The following FRYL variants were observed in gnomAD, a reference collection of about 807,000 sequenced individuals.
FRYL encodes the protein protein furry homolog-like.
In FRYL, 150 loss-of-function variants were observed where a neutral mutation model predicts 351.2. The observed-to-expected ratio is 0.43, with a 90% CI of 0.37 to 0.49. FRYL has a LOEUF of 0.49. Ranked by LOEUF, FRYL falls within the 20% of genes least tolerant of loss-of-function variation. The pLI, the probability that FRYL is intolerant of heterozygous loss-of-function variation, is 0.00. For missense variants in FRYL, 3,036 were observed against 3,619.3 expected, an observed-to-expected ratio of 0.84 and a Z score of 4.13; for synonymous variants, 1,153 against 1,257.1, an observed-to-expected ratio of 0.92 and a Z score of 1.75.
chr4:48,499,712 G>C, intron 63 of FRYL, 32 bp from the exon 64 acceptor site: 1 of 1,603,426 alleles, frequency 6.2e-7, no homozygotes, highest in Non-Finnish European at 8.5e-7. Flanking sequence ...TCAGTTCTGA[G>C]ACTTAGGCAA....
intron 1 of FRYL, among the ~76,000 whole-genome samples, chr4:48,724,921 T>C (rs1769916745): frequency 6.6e-6 from 1 of 152,228 alleles, no homozygotes; most frequent in Admixed American, 6.5e-5. Flanking sequence ...AAATAACAAA[T>C]TTGAAACTGT....
At chr4:48,659,293 G>T (rs1246692345) in intron 3 of FRYL, among the ~76,000 whole-genome samples, 1 of 151,152 alleles carries the variant, frequency 6.6e-6, no homozygotes, top group Non-Finnish European at 1.5e-5. Context: ...GGAGGTTGCA[G>T]GGAGCCAAGA....
chr4:48,540,771 T>C lies in FRYL; in HGVS notation c.5877A>G (p.Thr1959=), dbSNP rs182382658. The change falls in exon 46 of 64, where the codon ACA becomes ACG. Residue 1959 remains threonine (T), a synonymous_variant. Coordinates refer to ENST00000358350, the MANE Select transcript of FRYL (RefSeq NM_015030.2). ...DRRGDRRRSN[T]LDIMDGRINH... ...TTATCCGTCCATCCATTATATCCAGTGTGTTACTCCGCCGCCGGTCACCTC... is the reference window on the plus strand; with the variant it reads ...TTATCCGTCCATCCATTATATCCAGCGTGTTACTCCGCCGCCGGTCACCTC... 5.0e-6 allele frequency: 8 copies of C among 1,613,850 alleles called. No homozygotes were observed. The highest frequency in any genetic ancestry group is 3.3e-5 in the South Asian group (3 of 91,062).
intron 12 of FRYL, among the ~76,000 whole-genome samples, chr4:48,602,329 C>T (rs1472010017): frequency 6.6e-6 from 1 of 152,124 alleles, no homozygotes; most frequent in Non-Finnish European, 1.5e-5. Context: ...CTTGACTGAT[C>T]ATACCTCTCT....
In FRYL at chr4:48,540,411, G is replaced by C; in HGVS notation, c.6237C>G (p.Leu2079=). Residue 2079 remains leucine, a synonymous_variant, in exon 46 of 64, where the codon CTC becomes CTG. Coordinates refer to ENST00000358350, the MANE Select transcript of FRYL (RefSeq NM_015030.2). The part of the protein sequence containing the change: ...SASTQEMTVH[L]LSKLISVSKH... ...TGGAGACAGAAATGAGTTTACTGAG[G>C]AGGTGCACGGTCATTTCTTGTGTAG... 1.2e-6 allele frequency: 2 copies of C among 1,613,838 alleles called. No individual in the cohort carries two copies. Among genetic ancestry groups the C allele is most frequent in the Non-Finnish European group, 1.7e-6 (2 of 1,179,760 alleles).
intron 1 of FRYL, among the ~76,000 whole-genome samples, chr4:48,777,881 G>A (rs1371987521): frequency 1.3e-5 from 2 of 152,122 alleles, no homozygotes; most frequent in African/African-American, 4.8e-5. Context: ...AACAATGCCA[G>A]ATACCATCAA....
At chr4:48,621,579 T>C (rs187505110) in intron 5 of FRYL, among the ~76,000 whole-genome samples, 65 of 152,308 alleles carry the variant, frequency 4.3e-4, no homozygotes, top group African/African-American at 1.4e-3. Context: ...TCTCATAAAA[T>C]TAATATTCTG....
At chr4:48,715,207 T>G (rs1463109536) in intron 1 of FRYL, among the ~76,000 whole-genome samples, 3 of 151,530 alleles carry the variant, frequency 2.0e-5, no homozygotes, top group South Asian at 2.1e-4. Context: ...CTTTGAAAAC[T>G]GGCACAAGAC....
At chr4:48,552,387 T>C (rs1162564227) in intron 36 of FRYL, among the ~76,000 whole-genome samples, 1 of 152,086 alleles carries the variant, frequency 6.6e-6, no homozygotes, top group Non-Finnish European at 1.5e-5. Context: ...ACTGAAATCA[T>C]GGTACGACAA....
rs1560695889 is a variant in FRYL at position 48,603,321 on chromosome 4, A to G, written c.902T>C (p.Phe301Ser). 6.2e-7 allele frequency: 1 copy of G among 1,612,198 alleles called. No individual in the cohort carries two copies. The highest frequency in any genetic ancestry group is 8.5e-7 in the Non-Finnish European group (1 of 1,178,950). ...ATGCTTCTTTCTCGAGCTCAGTTCA[A>G]AAGTAGTCTGATAAAGCATCTCCAC... Reference protein sequence around the residue: ...NFVEMLYQTTFELSSRKKHSL... With the variant: ...NFVEMLYQTTSELSSRKKHSL... Residue 301 changes from phenylalanine to serine, a missense_variant, in exon 12 of 64, where the codon TTT (phenylalanine) becomes TCT (serine). Physicochemically the swap from Phe to Ser is radical, Grantham distance 155. Coordinates refer to ENST00000358350, the MANE Select transcript of FRYL (RefSeq NM_015030.2).
chr4:48,688,601 T>G (rs540914976), intron 2 of FRYL, among the ~76,000 whole-genome samples: 3 of 151,888 alleles, frequency 2.0e-5, no homozygotes, highest in Admixed American at 2.0e-4. Flanking sequence ...TCTTGACAAA[T>G]GCTATAATTT....
intron 16 of FRYL, among the ~76,000 whole-genome samples, chr4:48,592,082 T>TATATATATATATA (rs888017807): frequency 1.0e-3 from 122 of 116,190 alleles, no homozygotes; most frequent in African/African-American, 4.7e-3. Context: ...AATAAAGCTC[T>TATATATATATATA]TATATATATA....
intron 1 of FRYL, among the ~76,000 whole-genome samples, chr4:48,767,291 A>G (rs1775062053): frequency 6.6e-6 from 1 of 152,104 alleles, no homozygotes; most frequent in East Asian, 1.9e-4. Context: ...TCAAAGGACA[A>G]CAGCCAGATC....
intron 57 of FRYL, 27 bp from the exon 58 acceptor site, chr4:48,511,011 T>A: frequency 6.3e-7 from 1 of 1,575,884 alleles, no homozygotes; most frequent in South Asian, 1.2e-5. Context: ...AAGAAAGAGT[T>A]TAGTGTTTCA....
In FRYL at chr4:48,546,142, G is replaced by A; in HGVS notation, c.5204C>T (p.Thr1735Ile). ...TGAGATGTCAACCTCATTGAGGATAGTGGTGTGCAGATGTGAAATGGCAGC... is the reference window on the plus strand; with the variant it reads ...TGAGATGTCAACCTCATTGAGGATAATGGTGTGCAGATGTGAAATGGCAGC... ...NSAAISHLHTTILNEVDISVE... is the reference protein window; with the variant it reads ...NSAAISHLHTIILNEVDISVE... Residue 1735 changes from threonine (T) to isoleucine (I), a missense_variant, in exon 42 of 64, where the codon ACT becomes ATT. Physicochemically the swap from Thr to Ile is moderately conservative, Grantham distance 89. Coordinates refer to ENST00000358350, the MANE Select transcript of FRYL (RefSeq NM_015030.2). 1 of 1,613,756 alleles carries A rather than the reference G, an allele frequency of 6.2e-7. No homozygotes were observed. The highest frequency in any genetic ancestry group is 8.5e-7 in the Non-Finnish European group (1 of 1,179,818).
intron 2 of FRYL, among the ~76,000 whole-genome samples, chr4:48,708,626 C>A (rs1197008762): frequency 6.6e-6 from 1 of 152,138 alleles, no homozygotes; most frequent in Non-Finnish European, 1.5e-5. Flanking sequence ...TATAAACAAT[C>A]CATTCACCCT....
At chr4:48,569,157 C>A (rs539587906) in intron 27 of FRYL, among the ~76,000 whole-genome samples, 1 of 152,134 alleles carries the variant, frequency 6.6e-6, no homozygotes, top group Admixed American at 6.5e-5. Context: ...GATTCTTCTA[C>A]GAATGCTACA....
chr4:48,520,430 T>A (rs1724651580), intron 55 of FRYL: 1 of 152,108 alleles, frequency 6.6e-6, no homozygotes, highest in Admixed American at 6.5e-5. Flanking sequence ...TTTCCTAATA[T>A]TTACCAAGGA....
At chr4:48,742,785 C>G (rs968778441) in intron 1 of FRYL, among the ~76,000 whole-genome samples, 2 of 151,902 alleles carry the variant, frequency 1.3e-5, no homozygotes, top group Non-Finnish European at 2.9e-5. Flanking sequence ...ACTTGTCCCA[C>G]CCTTTTGGAG....
Sources: allele counts gnomAD v4.1 joint callset (sites outside exome capture counted in the v4.1 genomes callset), GRCh38; gene constraint gnomAD v4.1.1; transcripts MANE v1.5; gene names NCBI Gene and HGNC (gene_info 2026-07-23, HGNC 2026-07-21).